Variants in SPATA17 observed in about 807,000 individuals in gnomAD.
The protein encoded by SPATA17 is spermatogenesis associated 17.
SPATA17 carries 53 observed loss-of-function variants against 62.2 expected under a neutral mutation model. That is an observed-to-expected ratio of 0.85 (90% CI 0.68 to 1.07). SPATA17 has a LOEUF of 1.07. SPATA17 is among the 50% of genes least tolerant of loss of function. The pLI is 0.00. For missense variants in SPATA17, 466 were observed against 425.5 expected (o/e 1.10, Z -0.84); for synonymous variants, 146 against 146.8 (o/e 0.99, Z 0.04).
In SPATA17 at chr1:217,669,093, T is replaced by C. The variant is rs368715833; in HGVS notation, c.291+10T>C. On this transcript the variant is annotated intron_variant, in intron 4 of 10. Transcript: ENST00000366933. Reference sequence around the variant, plus strand: ...TGCAATGGCTGTCAGGGTAAATATTTCTTCACTTGTTAAACAAATGAAAAG... The same window carrying C: ...TGCAATGGCTGTCAGGGTAAATATTCCTTCACTTGTTAAACAAATGAAAAG... 4.4e-6 allele frequency: 7 copies of C among 1,608,370 alleles called. No individual in the cohort carries two copies. In the African/African-American group the frequency reaches 9.4e-5, roughly 21 times the overall value.
intron 3 of SPATA17, among the ~76,000 whole-genome samples, chr1:217,668,353 A>G (rs1001668131): frequency 6.6e-6 from 1 of 152,194 alleles, no homozygotes; most frequent in African/African-American, 2.4e-5. Context: ...GTATATTAAT[A>G]TGTAGATGTG....
At chr1:217,745,543 C>T (rs1450930046) in intron 6 of SPATA17, among the ~76,000 whole-genome samples, 1 of 152,092 alleles carries the variant, frequency 6.6e-6, no homozygotes, top group Non-Finnish European at 1.5e-5. Flanking sequence ...AAACATGCTA[C>T]AAGTCAGAAC....
chr1:217,815,061 A>G (rs564052490), intron 9 of SPATA17, among the ~76,000 whole-genome samples: 3 of 152,206 alleles, frequency 2.0e-5, no homozygotes, highest in African/African-American at 7.2e-5. Flanking sequence ...GTTGTAGGAA[A>G]CTGAGCCAAG....
chr1:217,742,219 G>T, intron 6 of SPATA17, 121 bp downstream of exon 6: 2 of 1,317,930 alleles, frequency 1.5e-6, no homozygotes, highest in Non-Finnish European at 1.0e-6. Context: ...ACACTACTTC[G>T]AGTTCAATTT....
chr1:217,651,327 C>T (rs1455834762), intron 3 of SPATA17, 149 bp downstream of exon 3: 11 of 579,284 alleles, frequency 1.9e-5, no homozygotes, highest in Non-Finnish European at 2.6e-5. Context: ...AGTATGAGAC[C>T]TATTCTTGAA....
rs540036357 is a variant in SPATA17, at chr1:217,774,956, A to C, written c.723+419A>C. ...TGTATTGTGAATAATGCTGCTGTGAACATGGGTGTAAAAGATCTTCTTGAG... is the reference window on the plus strand; with the variant it reads ...TGTATTGTGAATAATGCTGCTGTGACCATGGGTGTAAAAGATCTTCTTGAG... On this transcript the variant is annotated intron_variant, in intron 7 of 10. Transcript: ENST00000366933. Among the ~76,000 whole-genome samples the C allele has an allele frequency of 3.3e-5, 5 of 152,362 alleles. No individual in the cohort carries two copies. The South Asian group carries it at 6.2e-4, about 19-fold the overall frequency.
intron 3 of SPATA17, among the ~76,000 whole-genome samples, chr1:217,660,859 AATG>A (rs1416711323): frequency 6.6e-6 from 1 of 152,208 alleles, no homozygotes; most frequent in East Asian, 1.9e-4. Flanking sequence ...TGATAGTTAT[AATG>A]ATAACAAAAG....
intron 5 of SPATA17, among the ~76,000 whole-genome samples, chr1:217,688,832 G>A (rs1472931224): frequency 1.3e-5 from 2 of 151,976 alleles, no homozygotes; most frequent in Non-Finnish European, 2.9e-5. Flanking sequence ...TTATGAAATC[G>A]GTGGGGGAAA....
At position 217,811,710 on chromosome 1, in the gene SPATA17, AC is replaced by A. The variant is rs1476788267; in HGVS notation, c.1005+9861del. Among the ~76,000 whole-genome samples, 5 of 150,818 alleles carry A rather than the reference AC, an allele frequency of 3.3e-5. No homozygotes were observed. In the East Asian group the frequency reaches 5.8e-4, roughly 18 times the overall value. ...TCCACCTCGAGAAAAAAAAAAAAAA[AC>A]TATGTCTCTGTGTGGTGGCTAGCAT... On this transcript the variant is annotated intron_variant, in intron 9 of 10. Transcript: ENST00000366933.
chr1:217,636,462 G>T (rs1470903969), intron 1 of SPATA17, among the ~76,000 whole-genome samples: 3 of 152,116 alleles, frequency 2.0e-5, no homozygotes, highest in Non-Finnish European at 4.4e-5. Flanking sequence ...TGCCCAGGCT[G>T]GAGTGCAGTG....
intron 6 of SPATA17, among the ~76,000 whole-genome samples, chr1:217,756,372 A>G (rs12134465): frequency 0.49 from 73,585 of 151,530 alleles, 19,107 homozygotes; most frequent in Non-Finnish European, 0.59. Flanking sequence ...GCAAAGGGGA[A>G]AGCTAATATT....
At chr1:217,635,718 T>G (rs1313371379) in intron 1 of SPATA17, among the ~76,000 whole-genome samples, 1 of 150,606 alleles carries the variant, frequency 6.6e-6, no homozygotes, top group Non-Finnish European at 1.5e-5. Flanking sequence ...TGGCAAGTGG[T>G]TGAGTGAGTT....
intron 5 of SPATA17, among the ~76,000 whole-genome samples, chr1:217,726,963 A>G (rs954602550): frequency 6.6e-6 from 1 of 152,016 alleles, no homozygotes; most frequent in African/African-American, 2.4e-5. Context: ...AAAAAAAACT[A>G]CTGTCGGGGA....
At chr1:217,835,672 T>A (rs1355820006) in intron 9 of SPATA17, among the ~76,000 whole-genome samples, 1 of 152,012 alleles carries the variant, frequency 6.6e-6, no homozygotes, top group Non-Finnish European at 1.5e-5. Context: ...TCTCCAAAAC[T>A]CAACTGCCTT....
chr1:217,663,776 TA>T (rs1263701595), intron 3 of SPATA17, among the ~76,000 whole-genome samples: 1 of 152,204 alleles, frequency 6.6e-6, no homozygotes, highest in East Asian at 1.9e-4. Flanking sequence ...TATAAATACA[TA>T]TTACTTTAAA....
chr1:217,800,799 C>G (rs1166162303), intron 8 of SPATA17, among the ~76,000 whole-genome samples: 1 of 152,056 alleles, frequency 6.6e-6, no homozygotes, highest in Non-Finnish European at 1.5e-5. Flanking sequence ...TTTTCAATTG[C>G]TCTTTCTTAT....
chr1:217,742,970 T>TATATA (rs1558587883), intron 6 of SPATA17, among the ~76,000 whole-genome samples: 6 of 145,318 alleles, frequency 4.1e-5, no homozygotes, highest in African/African-American at 1.6e-4. Context: ...ATATATATAT[T>TATATA]AAATCCTGGG....
chr1:217,723,743 G>C (rs557231165), intron 5 of SPATA17, among the ~76,000 whole-genome samples: 1 of 152,188 alleles, frequency 6.6e-6, no homozygotes, highest in Non-Finnish European at 1.5e-5. Context: ...TAGGGCAGAC[G>C]AGAGACCAAA....
intron 4 of SPATA17, among the ~76,000 whole-genome samples, chr1:217,678,038 C>A (rs1303972501): frequency 2.0e-5 from 3 of 151,972 alleles, no homozygotes; most frequent in South Asian, 4.2e-4. Context: ...ACCCACATTT[C>A]TGTGCTCACT....
Sources: allele counts gnomAD v4.1 joint callset (sites outside exome capture counted in the v4.1 genomes callset), GRCh38; gene constraint gnomAD v4.1.1; transcripts MANE v1.5; gene names NCBI Gene and HGNC (gene_info 2026-07-23, HGNC 2026-07-21).